The following H2AC25 variants were observed in gnomAD, a reference collection of about 807,000 sequenced individuals.
The protein encoded by H2AC25 is H2A clustered histone 25.
the H2AC25 span, chr1:228,457,526 G>T: frequency 6.2e-7 from 1 of 1,614,086 alleles, no homozygotes; most frequent in South Asian, 1.1e-5. Context: ...ACGCGGCCCA[G>T]CAGCTTGTTG....
chr1:228,457,374 T>C, the H2AC25 span: 1 of 1,603,076 alleles, frequency 6.2e-7, no homozygotes, highest in Admixed American at 1.7e-5. Flanking sequence ...TAGGTGGCTC[T>C]GAAAAGAGCC....
the H2AC25 span, chr1:228,457,779 GGC>G: frequency 6.2e-7 from 1 of 1,609,038 alleles, no homozygotes; most frequent in Non-Finnish European, 8.5e-7. Flanking sequence ...ACTTAGCCTT[GGC>G]GCGCGCCTTG....
the H2AC25 span, chr1:228,457,831 A>T: frequency 4.4e-6 from 7 of 1,582,426 alleles, no homozygotes; most frequent in Non-Finnish European, 6.0e-6. Context: ...CGAGTCAAGG[A>T]AAAAAGACAA....
At chr1:228,457,367 G>A in the H2AC25 span, 1 of 1,593,976 alleles carries the variant, frequency 6.3e-7, no homozygotes, top group Non-Finnish European at 8.6e-7. Context: ...GAGATAGTAG[G>A]TGGCTCTGAA....
chr1:228,457,548 G>A, the H2AC25 span: 1 of 1,614,096 alleles, frequency 6.2e-7, no homozygotes, highest in Non-Finnish European at 8.5e-7. Context: ...GCTCCTCGTC[G>A]TTGCGGATGG....
the H2AC25 span, chr1:228,457,607 C>G: frequency 1.2e-6 from 2 of 1,613,898 alleles, no homozygotes; most frequent in Non-Finnish European, 8.5e-7. Context: ...TTGTCGCGCG[C>G]CGCGTTGCCG....
the H2AC25 span, chr1:228,457,680 G>T: frequency 1.2e-6 from 2 of 1,613,578 alleles, no homozygotes; most frequent in African/African-American, 2.7e-5. Flanking sequence ...CCGGGGCGCC[G>T]GCGCCCACGC....
the H2AC25 span, chr1:228,457,821 C>A: frequency 6.3e-7 from 1 of 1,586,262 alleles, no homozygotes; most frequent in Admixed American, 1.9e-5. Flanking sequence ...CGGACATTTC[C>A]GAGTCAAGGA....
chr1:228,457,617 G>A, the H2AC25 span: 5 of 1,613,886 alleles, frequency 3.1e-6, no homozygotes, highest in East Asian at 2.2e-5. Context: ...CCGCGTTGCC[G>A]GCAAGCTCCA....
chr1:228,457,790 T>G, the H2AC25 span: 7 of 1,606,580 alleles, frequency 4.4e-6, no homozygotes, highest in South Asian at 6.6e-5. Flanking sequence ...GCGCGCGCCT[T>G]GCCACCCTGC....
chr1:228,457,635 G>C, the H2AC25 span: 249 of 1,613,884 alleles, frequency 1.5e-4, no homozygotes, highest in Non-Finnish European at 2.0e-4. Flanking sequence ...CCAGGATCTC[G>C]GCAGTCAAGT....
chr1:228,457,517 C>T, the H2AC25 span: 2 of 1,614,016 alleles, frequency 1.2e-6, no homozygotes, highest in African/African-American at 2.7e-5. Flanking sequence ...GCGATGGTCA[C>T]GCGGCCCAGC....
At chr1:228,457,725 C>T in the H2AC25 span, 6 of 1,612,816 alleles carry the variant, frequency 3.7e-6, no homozygotes, top group Admixed American at 5.0e-5. Context: ...GCAACCGGTG[C>T]ACGCGGCCCA....
chr1:228,457,502 C>T, the H2AC25 span: 1 of 1,614,136 alleles, frequency 6.2e-7, no homozygotes, highest in Non-Finnish European at 8.5e-7. Context: ...AGGACGCCAC[C>T]CTGCGCGATG....
At chr1:228,457,711 C>T in the H2AC25 span, 2 of 1,613,098 alleles carry the variant, frequency 1.2e-6, no homozygotes, top group Non-Finnish European at 1.7e-6. Flanking sequence ...GTTGCCCTTG[C>T]GGAGCAACCG....
the H2AC25 span, chr1:228,457,680 G>A: frequency 1.2e-5 from 19 of 1,613,578 alleles, no homozygotes; most frequent in Admixed American, 1.8e-4. Flanking sequence ...CCGGGGCGCC[G>A]GCGCCCACGC....
the H2AC25 span, chr1:228,457,744 T>G: frequency 4.3e-6 from 7 of 1,611,640 alleles, no homozygotes; most frequent in Admixed American, 1.7e-5. Flanking sequence ...CACGGGGAAC[T>G]GCAGCCCCGC....
the H2AC25 span, chr1:228,457,464 G>A: frequency 1.9e-6 from 3 of 1,614,098 alleles, no homozygotes; most frequent in Non-Finnish European, 2.5e-6. Context: ...CCGTCTTCTT[G>A]GGCAGCAGTA....
the H2AC25 span, chr1:228,457,584 G>A: frequency 6.2e-7 from 1 of 1,614,066 alleles, no homozygotes; most frequent in South Asian, 1.1e-5. Context: ...GCGGGATGAT[G>A]CGCGTCTTCT....
Sources: allele counts gnomAD v4.1 joint callset, GRCh38; gene constraint gnomAD v4.1.1; transcripts MANE v1.5; gene names NCBI Gene and HGNC (gene_info 2026-07-23, HGNC 2026-07-21).